Variants in GALNT18 observed in about 807,000 individuals in gnomAD.
GALNT18 encodes GalNAc-transferase 18.
In GALNT18, 44 loss-of-function variants were observed where a neutral mutation model predicts 69.5. The ratio of observed to expected loss-of-function variants is 0.63; its 90% CI spans 0.50 to 0.81. GALNT18 has a LOEUF of 0.81. Among genes scored for constraint, GALNT18 ranks in the 40% least tolerant of loss-of-function variants. The pLI, the probability that GALNT18 is intolerant of heterozygous loss-of-function variation, is 0.00. For synonymous variants in GALNT18, 364 were observed against 318.2 expected (o/e 1.14, Z -1.53); for missense variants, 715 against 810.0 (o/e 0.88, Z 1.42).
intron 3 of GALNT18, among the ~76,000 whole-genome samples, chr11:11,381,261 G>GC (rs1186208024): frequency 2.0e-5 from 3 of 152,120 alleles, no homozygotes; most frequent in Non-Finnish European, 4.4e-5. Flanking sequence ...AATTTAAATA[G>GC]AGCTCATAAA....
chr11:11,288,447 G>T (rs1202777649), intron 10 of GALNT18, among the ~76,000 whole-genome samples: 2 of 152,142 alleles, frequency 1.3e-5, no homozygotes, highest in African/African-American at 2.4e-5. Flanking sequence ...GACCAAGTCG[G>T]TCATCCCAGG....
rs753925995 is a variant in GALNT18, at chr11:11,582,945, G to A, written c.235+38414C>T. On this transcript the variant is annotated intron_variant, in intron 1 of 10. Transcript: ENST00000227756. This position sits in a 1 kb window ranked among gnomAD's most constrained non-coding sequence, Gnocchi z 5.0. ...GAAGTGGTTGTCATGGTCCTGCAGA[G>A]AGGAAGATCTAAGATTTCCCTGAAC... is the stretch of plus-strand genomic sequence containing the variant. Among the ~76,000 whole-genome samples, 4 of 152,182 alleles carry A rather than the reference G, an allele frequency of 2.6e-5. No individual in the cohort carries two copies. Among genetic ancestry groups the A allele is most frequent in the Non-Finnish European group, 5.9e-5 (4 of 68,032 alleles).
At chr11:11,330,498 G>A (rs1272067649) in intron 8 of GALNT18, among the ~76,000 whole-genome samples, 1 of 152,200 alleles carries the variant, frequency 6.6e-6, no homozygotes, top group Non-Finnish European at 1.5e-5. Flanking sequence ...GAGAAGGCAG[G>A]AGGGAGGGGA....
chr11:11,304,998 C>G (rs1849556426), intron 9 of GALNT18, among the ~76,000 whole-genome samples: 1 of 152,128 alleles, frequency 6.6e-6, no homozygotes, highest in Admixed American at 6.5e-5. Flanking sequence ...CCTAAGATGA[C>G]TGATAAAGAA....
rs1855724271 is a variant in GALNT18 at position 11,448,826 on chromosome 11, G to A, written c.346C>T (p.Gln116Ter). 7 of 1,613,504 alleles carry A rather than the reference G, an allele frequency of 4.3e-6. No individual in the cohort carries two copies. The highest frequency in any genetic ancestry group is 5.9e-6 in the Non-Finnish European group (7 of 1,179,850). Reference sequence around the variant, plus strand: ...GCGTTGTAGCCGTAGTACTGGAATTGCTTCAGGGCCACGCGCCGGCCTTCG... The same window carrying A: ...GCGTTGTAGCCGTAGTACTGGAATTACTTCAGGGCCACGCGCCGGCCTTCG... ...SPEGRRVALK[Q>*]FQYYGYNAYL... The change falls in exon 2 of 11, where the codon CAA (glutamine) becomes TAA (stop). Residue 116 changes from glutamine to a stop codon, truncating the protein, a stop_gained. Transcript: ENST00000227756. LOFTEE classifies it high-confidence loss of function.
rs777830967 is a variant in GALNT18, at chr11:11,327,164, C to G, written c.1434G>C (p.Lys478Asn). Residue 478 changes from lysine (K) to asparagine (N), a missense_variant, in exon 9 of 11, where the codon AAG becomes AAC. Transcript: ENST00000227756. The stretch of plus-strand genomic sequence containing the variant: ...GCCCCTGGTCAAGACACAAATCAGT[C>G]TTCAGAGAATTCTGCAGCTGAACAT... ...IAYGVLQNSL[K>N]TDLCLDQGPD... 1.9e-6 allele frequency: 3 copies of G among 1,613,856 alleles called. No individual in the cohort carries two copies. Among genetic ancestry groups the G allele is most frequent in the Admixed American group, 3.3e-5 (2 of 60,030 alleles).
intron 6 of GALNT18, among the ~76,000 whole-genome samples, chr11:11,358,502 C>A (rs1850577864): frequency 7.1e-6 from 1 of 140,160 alleles, no homozygotes; most frequent in Admixed American, 7.1e-5. Context: ...AAGACTAAGT[C>A]TTGACTTCTA....
intron 1 of GALNT18, among the ~76,000 whole-genome samples, chr11:11,568,980 C>G (rs909200496): frequency 2.0e-5 from 3 of 152,178 alleles, no homozygotes; most frequent in African/African-American, 7.2e-5. Flanking sequence ...AAATGCATTT[C>G]AAAATCACTG....
At chr11:11,348,865 A>G (rs1850350313) in intron 6 of GALNT18, among the ~76,000 whole-genome samples, 1 of 152,176 alleles carries the variant, frequency 6.6e-6, no homozygotes, top group Admixed American at 6.5e-5. Context: ...CCTCTTGCAC[A>G]GTATGTGTGA....
chr11:11,602,254 C>A lies in GALNT18; in HGVS notation c.235+19105G>T, dbSNP rs1000957272. On this transcript the variant is annotated intron_variant, in intron 1 of 10. Coordinates refer to ENST00000227756, the MANE Select transcript of GALNT18 (RefSeq NM_198516.3). The surrounding 1 kb of genome is among the most constrained non-coding windows in gnomAD (Gnocchi z 4.7). The stretch of plus-strand genomic sequence containing the variant: ...TTGAATTGTCTCTCCTGTTATGAAA[C>A]CTCCACCCTACATGTGAGCCAGGGA... Among the ~76,000 whole-genome samples the A allele has an allele frequency of 5.3e-5, 8 of 152,132 alleles. No individual in the cohort carries two copies. Among genetic ancestry groups the A allele is most frequent in the Non-Finnish European group, 1.2e-4 (8 of 68,028 alleles).
intron 10 of GALNT18, among the ~76,000 whole-genome samples, chr11:11,273,695 T>C (rs374389888): frequency 2.1e-4 from 32 of 152,304 alleles, no homozygotes; most frequent in African/African-American, 5.1e-4. Context: ...TTGTTGGGTA[T>C]ATACCCAAAA....
In GALNT18 at chr11:11,614,403, G is replaced by A. The variant is rs1859997413; in HGVS notation, c.235+6956C>T. Among the ~76,000 whole-genome samples, 2 of 151,368 alleles carry A rather than the reference G, an allele frequency of 1.3e-5. No homozygotes were observed. Among genetic ancestry groups the A allele is most frequent in the African/African-American group, 4.9e-5 (2 of 41,092 alleles). On this transcript the variant is annotated intron_variant, in intron 1 of 10. Transcript: ENST00000227756. This position sits in a 1 kb window ranked among gnomAD's most constrained non-coding sequence, Gnocchi z 5.6. ...GAGGAGGAGGAGGAGGAGGGAGGAG[G>A]AGCAGCAAGGCTCTTTAAACAACCA...
chr11:11,520,835 T>G (rs116768858), intron 1 of GALNT18, among the ~76,000 whole-genome samples: 2,013 of 152,208 alleles, frequency 0.013, 47 homozygotes, highest in African/African-American at 0.046. Context: ...GGCAAGGCAG[T>G]CCCCTCAGCA....
chr11:11,518,815 T>G (rs914048369), intron 1 of GALNT18, among the ~76,000 whole-genome samples: 2 of 152,360 alleles, frequency 1.3e-5, no homozygotes, highest in East Asian at 3.9e-4. Flanking sequence ...ACCCACCAGC[T>G]TCTCTAAGTA....
chr11:11,423,005 G>T lies in GALNT18; in HGVS notation c.595+9616C>A, dbSNP rs75382339. Among the ~76,000 whole-genome samples, 1,150 of 152,304 alleles carry T rather than the reference G, an allele frequency of 7.6e-3. 17 individuals are homozygous for T. The highest frequency in any genetic ancestry group is 0.026 in the African/African-American group (1,072 of 41,554). On this transcript the variant is annotated intron_variant, in intron 3 of 10. Transcript: ENST00000227756. Reference sequence around the variant, plus strand: ...GACTGAAACACCACTGTTCACACAAGCACACACAAGCCCACGTGCCCATGT... The same window carrying T: ...GACTGAAACACCACTGTTCACACAATCACACACAAGCCCACGTGCCCATGT...
rs1331156257 is a variant in GALNT18 at position 11,372,602 on chromosome 11, A to C, written c.1005T>G (p.Ile335Met). 6.2e-7 allele frequency: 1 copy of C among 1,614,156 alleles called. No homozygotes were observed. Among genetic ancestry groups the C allele is most frequent in the African/African-American group, 1.3e-5 (1 of 75,056 alleles). Reference protein sequence around the residue: ...IRSPALIGCFIVDRQYFQEIG... With the variant: ...IRSPALIGCFMVDRQYFQEIG... ...TCTCCTGGAAGTACTGCCGGTCCAC[A>C]ATGAAGCAGCCAATGAGGGCAGGGC... Residue 335 changes from isoleucine (I) to methionine (M), a missense_variant, in exon 6 of 11, where the codon ATT (isoleucine) becomes ATG (methionine). Ile to Met is a conservative substitution (Grantham distance 10). Transcript: ENST00000227756. The surrounding 1 kb of genome is among the most constrained non-coding windows in gnomAD (Gnocchi z 4.9).
Position 11,309,782 on chromosome 11 carries a change from A to G in GALNT18, c.1513-16589T>C, listed in dbSNP as rs1849639227. On this transcript the variant is annotated intron_variant, in intron 9 of 10. Transcript: ENST00000227756. This position sits in a 1 kb window ranked among gnomAD's most constrained non-coding sequence, Gnocchi z 4.6. ...ACCTTCTCCATTCTCTCACATACCCAGATCCCCTTATGCTTCAGTTGCAAG... is the reference window on the plus strand; with the variant it reads ...ACCTTCTCCATTCTCTCACATACCCGGATCCCCTTATGCTTCAGTTGCAAG... Among the ~76,000 whole-genome samples, 1 of 152,132 alleles carries G rather than the reference A, an allele frequency of 6.6e-6. No homozygotes were observed. The highest frequency in any genetic ancestry group is 2.4e-5 in the African/African-American group (1 of 41,424).
intron 7 of GALNT18, among the ~76,000 whole-genome samples, chr11:11,335,281 C>T (rs1850092566): frequency 6.6e-6 from 1 of 152,182 alleles, no homozygotes; most frequent in African/African-American, 2.4e-5. Flanking sequence ...AGAACTAGCC[C>T]TTTGTTCAGC....
chr11:11,315,397 G>T lies in GALNT18; in HGVS notation c.1512+11689C>A, dbSNP rs547749366. 2.0e-5 allele frequency among the ~76,000 whole-genome samples: 3 copies of T among 152,116 alleles called. No homozygotes were observed. Among genetic ancestry groups the T allele is most frequent in the Non-Finnish European group, 2.9e-5 (2 of 68,038 alleles). ...TACCAATGAGGAGACAGACAGAATA[G>T]CACGTTCCTGAGCTCTGGAACACAG... On this transcript the variant is annotated intron_variant, in intron 9 of 10. Transcript: ENST00000227756. The surrounding 1 kb of genome is among the most constrained non-coding windows in gnomAD (Gnocchi z 5.6).
Sources: gnomAD v4.1 joint callset for allele counts (sites outside exome capture counted in the v4.1 genomes callset) on GRCh38, gnomAD v4.1.1 for gene constraint, Gnocchi (gnomAD v3.1) non-coding constraint, MANE v1.5 for transcripts, NCBI Gene and HGNC (gene_info 2026-07-23, HGNC 2026-07-21) for gene names.